Variants in FHOD3 observed in about 807,000 individuals in gnomAD.
FHOD3 encodes the protein formin homology 2 domain containing 3.
FHOD3 carries 90 observed loss-of-function variants against 173.0 expected under a neutral mutation model. The observed-to-expected ratio is 0.52, with a 90% CI of 0.44 to 0.62. FHOD3 has a LOEUF of 0.62. Ranked by LOEUF, FHOD3 falls within the 20% of genes least tolerant of loss-of-function variation. The pLI, the probability that FHOD3 is intolerant of heterozygous loss-of-function variation, is 0.00. For synonymous variants in FHOD3, 828 were observed against 823.0 expected, an observed-to-expected ratio of 1.01 and a Z score of -0.10; for missense variants, 1,945 against 2,034.7, an observed-to-expected ratio of 0.96 and a Z score of 0.85.
At chr18:36,612,847 C>T (rs2032830925) in intron 9 of FHOD3, among the ~76,000 whole-genome samples, 2 of 152,256 alleles carry the variant, frequency 1.3e-5, no homozygotes, top group East Asian at 1.9e-4. Context: ...AGTACGAAAC[C>T]GACTGCACTG....
At chr18:36,561,959 GTGTAT>G (rs36233913) in intron 5 of FHOD3, among the ~76,000 whole-genome samples, 19,098 of 127,066 alleles carry the variant, frequency 0.15, 1,499 homozygotes, top group East Asian at 0.26. Flanking sequence ...CTACTACACT[GTGTAT>G]TGTATTGTAT....
rs117501703 is a variant in FHOD3 at position 36,691,612 on chromosome 18, G to A, written c.2022-1597G>A. 4.5e-3 allele frequency among the ~76,000 whole-genome samples: 678 copies of A among 152,266 alleles called. 9 individuals are homozygous for A. In the East Asian group the frequency reaches 0.055, roughly 12 times the overall value. On this transcript the variant is annotated intron_variant, in intron 16 of 28. Coordinates refer to ENST00000590592, the MANE Select transcript of FHOD3 (RefSeq NM_001281740.3). Reference sequence around the variant, plus strand: ...TTGTTGCCTCTCTTACCCCTCAAGAGGTGGTGCTCTTGGCCAAGCCTGAAG... The same window carrying A: ...TTGTTGCCTCTCTTACCCCTCAAGAAGTGGTGCTCTTGGCCAAGCCTGAAG...
At chr18:36,735,641 A>G (rs915319945) in intron 20 of FHOD3, among the ~76,000 whole-genome samples, 5 of 152,100 alleles carry the variant, frequency 3.3e-5, no homozygotes, top group African/African-American at 1.2e-4. Context: ...TGCTTTAAAA[A>G]GTTTTTTTTT....
Position 36,720,236 on chromosome 18 carries a change from C to CTTTTTT in FHOD3, c.3417+1535_3417+1540dup, listed in dbSNP as rs35295640. The stretch of plus-strand genomic sequence containing the variant: ...GCCATCCACATGCCCCGTTCCAATT[C>CTTTTTT]TTTTTTTTTTTTTTTTTTTGAGGCA... On this transcript the variant is annotated intron_variant, in intron 19 of 28. Transcript: ENST00000590592. 3.8e-4 allele frequency among the ~76,000 whole-genome samples: 45 copies of CTTTTTT among 119,152 alleles called. 1 individual carries two copies. Among genetic ancestry groups the CTTTTTT allele is most frequent in the Non-Finnish European group, 5.6e-4 (34 of 60,226 alleles). The allele number at this position is 119,152 out of a possible 152,430, so 78.2% of individuals were successfully genotyped here.
chr18:36,644,381 T>TCA (rs2035541398), intron 10 of FHOD3, among the ~76,000 whole-genome samples: 1 of 152,232 alleles, frequency 6.6e-6, no homozygotes, highest in African/African-American at 2.4e-5. Flanking sequence ...TTGACTGATT[T>TCA]TATCATAGAC....
At chr18:36,432,162 A>G (rs1158523102) in intron 3 of FHOD3, among the ~76,000 whole-genome samples, 1 of 151,940 alleles carries the variant, frequency 6.6e-6, no homozygotes, top group Non-Finnish European at 1.5e-5. Context: ...CATCTTGGAG[A>G]TTTTCTTCAG....
chr18:36,460,747 AAAC>A (rs2052500593), intron 3 of FHOD3, among the ~76,000 whole-genome samples: 6 of 152,230 alleles, frequency 3.9e-5, no homozygotes, highest in Admixed American at 6.5e-5. Context: ...GCAAGTCACT[AAAC>A]ATCACTTTCT....
At position 36,524,469 on chromosome 18, in the gene FHOD3, C is replaced by A. The variant is rs73423294; in HGVS notation, c.511+11926C>A. ...TTCTCCAGAGCCTGAGGACTGGAAG[C>A]CAGGAGGGCTCACAGAAACACCAGG... On this transcript the variant is annotated intron_variant, in intron 5 of 28. Transcript: ENST00000590592. 3.9e-3 allele frequency among the ~76,000 whole-genome samples: 589 copies of A among 152,178 alleles called. 4 individuals carry two copies. The highest frequency in any genetic ancestry group is 0.014 in the African/African-American group (565 of 41,526).
intron 28 of FHOD3, among the ~76,000 whole-genome samples, chr18:36,771,748 G>A (rs918383919): frequency 6.6e-6 from 1 of 152,218 alleles, no homozygotes; most frequent in Admixed American, 6.5e-5. Context: ...GGAGGAGCTG[G>A]GAAGAGCCAT....
intron 5 of FHOD3, among the ~76,000 whole-genome samples, chr18:36,545,887 G>T (rs2147204294): frequency 6.6e-6 from 1 of 152,300 alleles, no homozygotes; most frequent in Non-Finnish European, 1.5e-5. Context: ...TTTTTAAAAA[G>T]TTGGCTTATA....
chr18:36,452,305 C>G (rs185379174), intron 3 of FHOD3, among the ~76,000 whole-genome samples: 40 of 152,192 alleles, frequency 2.6e-4, no homozygotes, highest in African/African-American at 6.7e-4. Context: ...ACCCACAAAG[C>G]AGGCCTGTCT....
chr18:36,769,479 C>G lies in FHOD3; in HGVS notation c.4786+53C>G. The G allele has an allele frequency of 2.5e-6, 4 of 1,575,204 alleles. No homozygotes were observed. In the South Asian group the frequency reaches 4.7e-5, roughly 19 times the overall value. ...TTCACCCCTACAGGGATCTGCCCTC[C>G]CATTCTACGTGAACTGGGAAAGGTG... On this transcript the variant is annotated intron_variant, in intron 28 of 28. Coordinates refer to ENST00000590592, the MANE Select transcript of FHOD3 (RefSeq NM_001281740.3).
chr18:36,484,489 A>G (rs1453099903), intron 3 of FHOD3, among the ~76,000 whole-genome samples: 1 of 152,168 alleles, frequency 6.6e-6, no homozygotes, highest in Non-Finnish European at 1.5e-5. Flanking sequence ...TAAATATGGT[A>G]TTAACTGGTG....
intron 19 of FHOD3, among the ~76,000 whole-genome samples, chr18:36,725,996 A>G (rs2041045483): frequency 6.6e-6 from 1 of 152,050 alleles, no homozygotes; most frequent in South Asian, 2.1e-4. Context: ...ACACTTTCAT[A>G]CATATATTCT....
chr18:36,374,337 A>G (rs2047331854), intron 3 of FHOD3, among the ~76,000 whole-genome samples: 1 of 152,196 alleles, frequency 6.6e-6, no homozygotes, highest in Admixed American at 6.5e-5. Flanking sequence ...CAGGACACAC[A>G]TGCTCCCTGC....
intron 2 of FHOD3, among the ~76,000 whole-genome samples, chr18:36,369,023 T>C (rs1369976179): frequency 6.6e-6 from 1 of 152,184 alleles, no homozygotes; most frequent in Non-Finnish European, 1.5e-5. Flanking sequence ...TAAAAAGTAC[T>C]TAGAACCTCA....
intron 10 of FHOD3, among the ~76,000 whole-genome samples, chr18:36,633,383 G>A (rs2034650708): frequency 6.6e-6 from 1 of 152,158 alleles, no homozygotes. Context: ...TCACTTGATG[G>A]TCACCTGACA....
intron 2 of FHOD3, among the ~76,000 whole-genome samples, chr18:36,356,636 T>A (rs1359900569): frequency 6.6e-6 from 1 of 151,722 alleles, no homozygotes; most frequent in African/African-American, 2.4e-5. Context: ...ATTTTATATA[T>A]ATATATATGT....
At chr18:36,298,139 C>T (rs1568086723) in intron 1 of FHOD3, 139 bp downstream of exon 1, 5 of 719,420 alleles carry the variant, frequency 7.0e-6, no homozygotes, top group Admixed American at 8.7e-5. Context: ...GAGGGCAAAT[C>T]CCCCTCCCCG....
Sources: allele counts gnomAD v4.1 joint callset (sites outside exome capture counted in the v4.1 genomes callset), GRCh38; gene constraint gnomAD v4.1.1; transcripts MANE v1.5; gene names NCBI Gene and HGNC (gene_info 2026-07-23, HGNC 2026-07-21).